Variants in FKBP6 observed in about 807,000 individuals in gnomAD.
FKBP6 encodes the protein FKBP prolyl isomerase family member 6 (inactive).
In FKBP6, 29 loss-of-function variants were observed where a neutral mutation model predicts 41.7. The ratio of observed to expected loss-of-function variants is 0.70; its 90% CI spans 0.52 to 0.95. The LOEUF is 0.95. FKBP6 is among the 40% of genes least tolerant of loss of function. FKBP6 has a pLI of 0.00. For missense variants in FKBP6, 338 were observed against 408.7 expected (o/e 0.83, Z 1.49); for synonymous variants, 130 against 165.1 (o/e 0.79, Z 1.63).
At chr7:73,356,093 G>C (rs182345597) in intron 8 of FKBP6, among the ~76,000 whole-genome samples, 1 of 134,946 alleles carries the variant, frequency 7.4e-6, no homozygotes, top group Middle Eastern at 4.2e-3. Flanking sequence ...AAAAAAAAAA[G>C]TGAGTGTATA....
Position 73,341,178 on chromosome 7 carries a change from C to T in FKBP6, c.784-95C>T, listed in dbSNP as rs1337417905. The T allele has an allele frequency of 3.4e-6, 3 of 894,200 alleles. 1 individual carries two copies. The highest frequency in any genetic ancestry group is 3.4e-5 in the Admixed American group (2 of 59,078). 55.4% of individuals were successfully genotyped at this position (894,200 alleles called of 1,614,324 possible). On this transcript the variant is annotated intron_variant, in intron 6 of 8. Transcript: ENST00000252037. ...ACCTCAGTTGATCCGCCCGCCTTGG[C>T]CTCCCAAAGTGCTGGGATTACAGGC...
chr7:73,336,613 T>G (rs1267512262), intron 5 of FKBP6: 1 of 316,038 alleles, frequency 3.2e-6, no homozygotes, highest in Non-Finnish European at 6.5e-6. Context: ...CTGGGAGGAA[T>G]ATTTACAGCA....
chr7:73,357,945 G>GCTA (rs1183851589), intron 8 of FKBP6, among the ~76,000 whole-genome samples: 1 of 150,286 alleles, frequency 6.7e-6, no homozygotes, highest in Non-Finnish European at 1.5e-5. Context: ...CAGAGCCTGT[G>GCTA]CTACTGCACT....
intron 8 of FKBP6, among the ~76,000 whole-genome samples, chr7:73,352,325 A>G (rs1339623584): frequency 6.6e-6 from 1 of 152,232 alleles, no homozygotes; most frequent in African/African-American, 2.4e-5. Context: ...AGACCGTCAG[A>G]TATCGGCTTA....
chr7:73,339,411 G>C (rs781948828), intron 5 of FKBP6, among the ~76,000 whole-genome samples: 1 of 152,180 alleles, frequency 6.6e-6, no homozygotes, highest in Non-Finnish European at 1.5e-5. Flanking sequence ...TCTGGACTCT[G>C]TGTTCAATTT....
chr7:73,330,191 C>T lies in FKBP6; in HGVS notation c.307C>T (p.Arg103Trp), dbSNP rs782717229. Reference protein sequence around the residue: ...WGMELGLLSMRRGELARFLFK... With the variant: ...WGMELGLLSMWRGELARFLFK... ...CATGGAGCTGGGCCTTCTGAGCATG[C>T]GGAGAGGAGAGCTGGCCAGGTTTCT... Residue 103 changes from arginine to tryptophan, a missense_variant, in exon 4 of 9, where the codon CGG becomes TGG. Arg to Trp is a moderately radical substitution (Grantham distance 101, BLOSUM62 -3). Around this residue, in one of 2 missense-constraint regions of FKBP6, gnomAD observed 99 missense variants for 158.6 expected, o/e 0.62. Transcript: ENST00000252037. 1.2e-5 allele frequency: 19 copies of T among 1,613,772 alleles called. No homozygotes were observed. The highest frequency in any genetic ancestry group is 1.5e-5 in the Non-Finnish European group (18 of 1,179,830).
chr7:73,328,746 A>G (rs1241599819), intron 2 of FKBP6, 54 bp downstream of exon 2: 33 of 1,611,666 alleles, frequency 2.0e-5, no homozygotes, highest in Non-Finnish European at 2.6e-5. Context: ...CTCTGTTGGG[A>G]AGAGAGAGGC....
intron 8 of FKBP6, 105 bp downstream of exon 8, chr7:73,343,004 G>A: frequency 3.7e-6 from 3 of 816,654 alleles, no homozygotes; most frequent in South Asian, 1.4e-5. Flanking sequence ...GGGTGGACGA[G>A]GGGTAGACAA....
chr7:73,328,547 C>T, intron 1 of FKBP6, 28 bp from the exon 2 acceptor site: 1 of 1,570,292 alleles, frequency 6.4e-7, no homozygotes, highest in Non-Finnish European at 8.7e-7. Context: ...GTCTGCGGCT[C>T]TGAGGCCTGG....
chr7:73,352,715 TAAGTG>T (rs1805525517), intron 8 of FKBP6, among the ~76,000 whole-genome samples: 1 of 152,126 alleles, frequency 6.6e-6, no homozygotes. Context: ...ATCTAATAGA[TAAGTG>T]AAGAGCTATG....
At chr7:73,351,362 C>G (rs1369903859) in intron 8 of FKBP6, among the ~76,000 whole-genome samples, 2 of 152,160 alleles carry the variant, frequency 1.3e-5, no homozygotes, top group Non-Finnish European at 2.9e-5. Context: ...ACTTTCCTTC[C>G]CTATGCCTCT....
chr7:73,345,019 T>C (rs1436757404), intron 8 of FKBP6, among the ~76,000 whole-genome samples: 1 of 152,186 alleles, frequency 6.6e-6, no homozygotes, highest in Non-Finnish European at 1.5e-5. Context: ...GTAGACAGTA[T>C]GCCTTTTCCA....
rs543611342 is a variant in FKBP6, at chr7:73,357,695, A to G, written c.*3-486A>G. On this transcript the variant is annotated intron_variant, in intron 8 of 8. Coordinates refer to ENST00000252037, the MANE Select transcript of FKBP6 (RefSeq NM_003602.5). ...CTCCTTTGGTTGTATTGGGGTAGGG[A>G]GGAAAGAGAAGGGAAAGGGTAGCTC... 4.6e-5 allele frequency among the ~76,000 whole-genome samples: 7 copies of G among 151,872 alleles called. 1 individual carries two copies. In the South Asian group the frequency reaches 1.5e-3, roughly 32 times the overall value.
chr7:73,347,354 C>T (rs1338653992), intron 8 of FKBP6, among the ~76,000 whole-genome samples: 1 of 152,130 alleles, frequency 6.6e-6, no homozygotes. Context: ...TATGTAATTG[C>T]CAAGGTTGCA....
Position 73,330,157 on chromosome 7 carries a change from A to T in FKBP6, c.273A>T (p.Thr91=). The T allele has an allele frequency of 6.2e-7, 1 of 1,613,266 alleles. No homozygotes were observed. The highest frequency in any genetic ancestry group is 8.5e-7 in the Non-Finnish European group (1 of 1,179,278). ...PRLMKLGEDI[T]LWGMELGLLS... ...CTTTGTCCATTCTTACAGATATTAC[A>T]CTGTGGGGCATGGAGCTGGGCCTTC... The change falls in exon 4 of 9, where the codon ACA becomes ACT. Residue 91 remains threonine (T), a synonymous_variant. Coordinates refer to ENST00000252037, the MANE Select transcript of FKBP6 (RefSeq NM_003602.5).
intron 5 of FKBP6, among the ~76,000 whole-genome samples, chr7:73,335,414 C>G (rs767647031): frequency 2.0e-5 from 3 of 152,132 alleles, no homozygotes; most frequent in African/African-American, 7.2e-5. Flanking sequence ...GCCAAGGGAC[C>G]GGCATTCTGG....
chr7:73,355,165 G>A (rs1377008824), intron 8 of FKBP6, among the ~76,000 whole-genome samples: 3 of 152,226 alleles, frequency 2.0e-5, no homozygotes, highest in East Asian at 1.9e-4. Context: ...GGGCCCACCC[G>A]CCGTGGAAGC....
chr7:73,331,024 C>T (rs1302801301), intron 4 of FKBP6, among the ~76,000 whole-genome samples: 2 of 152,196 alleles, frequency 1.3e-5, no homozygotes, highest in African/African-American at 4.8e-5. Context: ...GCTAAACTGT[C>T]AGCACTCCAA....
Position 73,329,400 on chromosome 7 carries a change from C to T in FKBP6, c.216C>T (p.Phe72=), listed in dbSNP as rs3750075. Residue 72 remains phenylalanine (F), a synonymous_variant, in exon 3 of 9, where the codon TTC becomes TTT. Transcript: ENST00000252037. ...SGYLEHMDRP[F]DSNYFRKTPR... ...ACCTGGAACACATGGACAGACCCTT[C>T]GATTCTAATTACTTTAGGAAAACTC... 1,362 of 1,609,806 alleles carry T rather than the reference C, an allele frequency of 8.5e-4. 28 individuals are homozygous for T. The East Asian group carries it at 0.026, about 30-fold the overall frequency.
Sources: allele counts gnomAD v4.1 joint callset (sites outside exome capture counted in the v4.1 genomes callset), GRCh38; gene constraint gnomAD v4.1.1; regional missense constraint gnomAD v4.1.1; transcripts MANE v1.5; gene names NCBI Gene and HGNC (gene_info 2026-07-23, HGNC 2026-07-21).